The following ASTN2 variants were observed in gnomAD, a reference collection of about 807,000 sequenced individuals.
The protein encoded by ASTN2 is astrotactin 2, also known as astrotactin-2.
ASTN2 carries 54 observed loss-of-function variants against 139.8 expected under a neutral mutation model. The observed-to-expected ratio is 0.39, with a 90% CI of 0.31 to 0.48. The LOEUF (loss-of-function observed/expected upper bound fraction) is 0.48, where lower values mean the gene tolerates loss of function less well. Ranked by LOEUF, ASTN2 falls within the 20% of genes least tolerant of loss-of-function variation. ASTN2 has a pLI of 0.95. For synonymous variants in ASTN2, 756 were observed against 719.5 expected, an observed-to-expected ratio of 1.05 and a Z score of -0.81; for missense variants, 1,565 against 1,725.1, an observed-to-expected ratio of 0.91 and a Z score of 1.64.
At chr9:116,586,776 C>A (rs1392407956) in intron 19 of ASTN2, among the ~76,000 whole-genome samples, 2 of 143,820 alleles carry the variant, frequency 1.4e-5, no homozygotes, top group Non-Finnish European at 3.0e-5. Flanking sequence ...GAACATGTAC[C>A]CCTTGAATCC....
intron 19 of ASTN2, among the ~76,000 whole-genome samples, chr9:116,577,525 G>C (rs531206829): frequency 2.0e-5 from 3 of 148,472 alleles, no homozygotes; most frequent in South Asian, 4.2e-4. Flanking sequence ...GAATGAAACT[G>C]TGTCTCAAAA....
intron 5 of ASTN2, among the ~76,000 whole-genome samples, chr9:117,073,290 C>A (rs1828185808): frequency 6.6e-6 from 1 of 152,158 alleles, no homozygotes; most frequent in South Asian, 2.1e-4. Flanking sequence ...CAGCTTCCTG[C>A]CTCTAGGGGT....
chr9:116,533,327 C>G (rs931579525), intron 19 of ASTN2, among the ~76,000 whole-genome samples: 1 of 152,170 alleles, frequency 6.6e-6, no homozygotes, highest in Admixed American at 6.6e-5. Flanking sequence ...TTGACTTCCT[C>G]TTTTCCTAAT....
intron 3 of ASTN2, among the ~76,000 whole-genome samples, chr9:117,181,691 A>C (rs1831071320): frequency 6.6e-6 from 1 of 152,212 alleles, no homozygotes; most frequent in Non-Finnish European, 1.5e-5. Context: ...TCACAGGGCT[A>C]ATGATGATAC....
chr9:116,432,816 G>C (rs570920340), intron 22 of ASTN2, among the ~76,000 whole-genome samples: 1 of 152,256 alleles, frequency 6.6e-6, no homozygotes, highest in African/African-American at 2.4e-5. Flanking sequence ...TGTAATCCCA[G>C]GTACTTGGGA....
chr9:117,325,352 C>T (rs992455258), intron 1 of ASTN2, among the ~76,000 whole-genome samples: 9 of 152,108 alleles, frequency 5.9e-5, no homozygotes, highest in African/African-American at 1.7e-4. Flanking sequence ...CAGACAGTTG[C>T]CCTCCTCCTG....
intron 11 of ASTN2, among the ~76,000 whole-genome samples, chr9:116,839,878 ATTATTTTTTTT>A (rs1832148661): frequency 9.5e-5 from 10 of 104,772 alleles, no homozygotes; most frequent in Admixed American, 5.8e-4. Context: ...TATTATTATT[ATTATTTTTTTT>A]TTTTTAATTG....
intron 2 of ASTN2, among the ~76,000 whole-genome samples, chr9:117,232,733 GTTA>G (rs1243349056): frequency 2.0e-5 from 3 of 152,188 alleles, no homozygotes; most frequent in Non-Finnish European, 4.4e-5. Flanking sequence ...AAATTGTTCT[GTTA>G]TTATTACATT....
chr9:116,905,544 C>T (rs16934046), intron 10 of ASTN2, among the ~76,000 whole-genome samples: 7,209 of 152,196 alleles, frequency 0.047, 435 homozygotes, highest in African/African-American at 0.14. Context: ...TACACTCAGT[C>T]ACTTGCCTTT....
rs149454112 is a variant in ASTN2, at chr9:116,544,966, C to T, written c.3356-57466G>A. 6.4e-3 allele frequency among the ~76,000 whole-genome samples: 977 copies of T among 152,156 alleles called. 14 individuals are homozygous for T. Among genetic ancestry groups the T allele is most frequent in the African/African-American group, 0.022 (912 of 41,396 alleles). On this transcript the variant is annotated intron_variant, in intron 19 of 22. Coordinates refer to ENST00000313400, the MANE Select transcript of ASTN2 (RefSeq NM_001365068.1). ...AGACCCTTGGTGAGAGTGCCAATGG[C>T]CTGCTCCTGGCCCAGCTACCTGCTC...
chr9:116,807,343 G>A (rs1370616277), intron 12 of ASTN2, among the ~76,000 whole-genome samples: 1 of 152,164 alleles, frequency 6.6e-6, no homozygotes, highest in African/African-American at 2.4e-5. Flanking sequence ...AGCATAGCTG[G>A]AAACCTGACC....
intron 12 of ASTN2, among the ~76,000 whole-genome samples, chr9:116,812,373 C>T (rs573618993): frequency 6.6e-5 from 10 of 150,540 alleles, no homozygotes; most frequent in Middle Eastern, 3.5e-3. Flanking sequence ...GGGAGATAAG[C>T]GTGTTAGTCA....
intron 3 of ASTN2, among the ~76,000 whole-genome samples, chr9:117,198,977 G>A (rs2132984909): frequency 6.6e-6 from 1 of 151,944 alleles, no homozygotes; most frequent in Admixed American, 6.6e-5. Context: ...TTTTTTGACA[G>A]GGTTGTTTTT....
intron 2 of ASTN2, among the ~76,000 whole-genome samples, chr9:117,290,840 C>T (rs1260437378): frequency 1.3e-5 from 2 of 152,192 alleles, no homozygotes; most frequent in African/African-American, 4.8e-5. Context: ...CCCACAATGG[C>T]TACGTCCAGC....
intron 7 of ASTN2, among the ~76,000 whole-genome samples, chr9:116,977,003 G>C (rs528965290): frequency 6.6e-6 from 1 of 152,062 alleles, no homozygotes; most frequent in South Asian, 2.1e-4. Flanking sequence ...GGCCACACTC[G>C]TACAGGTGCT....
chr9:116,826,654 T>G (rs1427584892), intron 11 of ASTN2, among the ~76,000 whole-genome samples: 1 of 151,984 alleles, frequency 6.6e-6, no homozygotes, highest in Non-Finnish European at 1.5e-5. Context: ...GGCCCCAAAA[T>G]CTACCCATAC....
chr9:116,687,295 G>T, intron 16 of ASTN2: 16 of 988,770 alleles, frequency 1.6e-5, no homozygotes, highest in Non-Finnish European at 1.8e-5. Flanking sequence ...ATTGGCGCCC[G>T]GCAAGGGGTG....
chr9:116,928,031 T>G (rs1409885479), intron 10 of ASTN2, among the ~76,000 whole-genome samples: 1 of 152,128 alleles, frequency 6.6e-6, no homozygotes. Flanking sequence ...AGACCAGCCT[T>G]TCTCATGACA....
chr9:116,789,545 G>C (rs1830475690), intron 13 of ASTN2, among the ~76,000 whole-genome samples: 1 of 152,150 alleles, frequency 6.6e-6, no homozygotes, highest in Non-Finnish European at 1.5e-5. Context: ...ACTGCCCTTG[G>C]AGCTTTCTGT....
Sources: allele counts gnomAD v4.1 joint callset (sites outside exome capture counted in the v4.1 genomes callset), GRCh38; gene constraint gnomAD v4.1.1; transcripts MANE v1.5; gene names NCBI Gene and HGNC (gene_info 2026-07-23, HGNC 2026-07-21).